PRKN: variants seen among roughly 807,000 people sequenced by gnomAD.
PRKN encodes parkin RBR E3 ubiquitin protein ligase, also known as E3 ubiquitin-protein ligase parkin.
PRKN carries 56 observed loss-of-function variants against 59.5 expected under a neutral mutation model. That is an observed-to-expected ratio of 0.94 (90% CI 0.76 to 1.18). The LOEUF (loss-of-function observed/expected upper bound fraction) is 1.18. Among genes scored for constraint, PRKN ranks in the 50% most tolerant of loss-of-function variants. The pLI, the probability that PRKN is intolerant of heterozygous loss-of-function variation, is 0.00. For missense variants in PRKN, 657 were observed against 596.4 expected, an observed-to-expected ratio of 1.10 and a Z score of -1.06; for synonymous variants, 250 against 222.1, an observed-to-expected ratio of 1.13 and a Z score of -1.12.
intron 7 of PRKN, among the ~76,000 whole-genome samples, chr6:161,626,947 T>A (rs541838251): frequency 5.9e-5 from 9 of 152,046 alleles, no homozygotes; most frequent in Admixed American, 5.9e-4. Flanking sequence ...AACTCACTTA[T>A]CTAGATCAGT....
intron 2 of PRKN, among the ~76,000 whole-genome samples, chr6:162,368,615 C>G (rs1393119037): frequency 6.6e-6 from 1 of 152,114 alleles, no homozygotes; most frequent in Non-Finnish European, 1.5e-5. Flanking sequence ...TTGGCAGTGA[C>G]AGAAATGCTT....
chr6:162,072,788 T>C (rs1778636207), intron 4 of PRKN, among the ~76,000 whole-genome samples: 1 of 152,184 alleles, frequency 6.6e-6, no homozygotes. Context: ...TTTTATGATA[T>C]GTAATGTGGA....
intron 4 of PRKN, among the ~76,000 whole-genome samples, chr6:162,103,854 C>T (rs998437709): frequency 2.0e-5 from 3 of 152,152 alleles, no homozygotes; most frequent in South Asian, 2.1e-4. Context: ...CTCTTCCTCA[C>T]CTGTATGTAG....
At chr6:162,021,369 A>G (rs1010674411) in intron 5 of PRKN, among the ~76,000 whole-genome samples, 4 of 146,534 alleles carry the variant, frequency 2.7e-5, no homozygotes, top group South Asian at 2.1e-4. Flanking sequence ...AGGTCATCCA[A>G]TCCCTTTATG....
chr6:162,115,427 A>G (rs1780627134), intron 4 of PRKN, among the ~76,000 whole-genome samples: 1 of 152,046 alleles, frequency 6.6e-6, no homozygotes, highest in Non-Finnish European at 1.5e-5. Flanking sequence ...GCGCACCAGC[A>G]AGGCACATGT....
chr6:161,488,628 G>C lies in PRKN; in HGVS notation c.1083+60226C>G, dbSNP rs1177868286. 6.6e-6 allele frequency among the ~76,000 whole-genome samples: 1 copy of C among 152,002 alleles called. No homozygotes were observed. Among genetic ancestry groups the C allele is most frequent in the East Asian group, 1.9e-4 (1 of 5,176 alleles). On this transcript the variant is annotated intron_variant, in intron 9 of 11. Coordinates refer to ENST00000366898, the MANE Select transcript of PRKN (RefSeq NM_004562.3). The surrounding 1 kb of genome is among the most constrained non-coding windows in gnomAD (Gnocchi z 4.5). Reference sequence around the variant, plus strand: ...AGCCTCCTGAGTAGGTGGGACTAAAGGCATGCACCACCACACCTGGCTAAT... The same window carrying C: ...AGCCTCCTGAGTAGGTGGGACTAAACGCATGCACCACCACACCTGGCTAAT...
chr6:162,459,079 C>T (rs1340586097), intron 1 of PRKN, among the ~76,000 whole-genome samples: 2 of 152,160 alleles, frequency 1.3e-5, no homozygotes, highest in African/African-American at 4.8e-5. Flanking sequence ...CTTGGCCTCC[C>T]AAAGTGCTGG....
chr6:161,463,457 T>G lies in PRKN; in HGVS notation c.1084-76580A>C, dbSNP rs542312464. On this transcript the variant is annotated intron_variant, in intron 9 of 11. Transcript: ENST00000366898. The surrounding 1 kb of genome is among the most constrained non-coding windows in gnomAD (Gnocchi z 4.8). Reference sequence around the variant, plus strand: ...CATATCATCCTGCCCCTCCTTGATTTTGGACAGGATGCATTTGGGATCTGG... The same window carrying G: ...CATATCATCCTGCCCCTCCTTGATTGTGGACAGGATGCATTTGGGATCTGG... 6.6e-6 allele frequency among the ~76,000 whole-genome samples: 1 copy of G among 152,306 alleles called. No individual in the cohort carries two copies. The highest frequency in any genetic ancestry group is 6.5e-5 in the Admixed American group (1 of 15,302).
intron 4 of PRKN, among the ~76,000 whole-genome samples, chr6:162,084,625 G>A (rs1232621682): frequency 6.6e-6 from 1 of 152,048 alleles, no homozygotes. Flanking sequence ...TTATCTGAGA[G>A]ATACCTGAGT....
At chr6:162,248,882 A>ATAT (rs1424856032) in intron 3 of PRKN, among the ~76,000 whole-genome samples, 13 of 151,328 alleles carry the variant, frequency 8.6e-5, no homozygotes, top group African/African-American at 2.9e-4. Flanking sequence ...TTTTGTATAT[A>ATAT]ATTTTTTTTT....
At chr6:161,633,486 A>C (rs2128155554) in intron 7 of PRKN, among the ~76,000 whole-genome samples, 1 of 152,382 alleles carries the variant, frequency 6.6e-6, no homozygotes. Flanking sequence ...AAATTTATCA[A>C]ACAAATTAAC....
intron 2 of PRKN, among the ~76,000 whole-genome samples, chr6:162,377,188 T>A (rs1457151192): frequency 6.6e-6 from 1 of 152,180 alleles, no homozygotes; most frequent in Admixed American, 6.5e-5. Flanking sequence ...AAAGTGTATT[T>A]CTGCTCCGAG....
chr6:161,673,580 C>T (rs753266163), intron 7 of PRKN, among the ~76,000 whole-genome samples: 3 of 152,120 alleles, frequency 2.0e-5, no homozygotes, highest in Admixed American at 6.5e-5. Flanking sequence ...AGAGTTGGGA[C>T]GTTATTTGAC....
Position 161,417,554 on chromosome 6 carries a change from C to T in PRKN, c.1084-30677G>A, listed in dbSNP as rs1259533611. ...TAAAGTGTATAAATGTACCTTCTCC[C>T]ATAACTCTGAGAATGGGGTTTGTGT... On this transcript the variant is annotated intron_variant, in intron 9 of 11. Transcript: ENST00000366898. This position sits in a 1 kb window ranked among gnomAD's most constrained non-coding sequence, Gnocchi z 5.4. 1.3e-5 allele frequency among the ~76,000 whole-genome samples: 2 copies of T among 152,018 alleles called. No individual in the cohort carries two copies. Among genetic ancestry groups the T allele is most frequent in the Admixed American group, 1.3e-4 (2 of 15,256 alleles).
intron 5 of PRKN, among the ~76,000 whole-genome samples, chr6:162,011,623 A>C (rs911407735): frequency 6.8e-6 from 1 of 146,346 alleles, no homozygotes; most frequent in Non-Finnish European, 1.5e-5. Context: ...ACAGATGACT[A>C]AAATAACCAT....
At chr6:162,410,132 C>T (rs959666209) in intron 2 of PRKN, among the ~76,000 whole-genome samples, 1 of 152,100 alleles carries the variant, frequency 6.6e-6, no homozygotes, top group Admixed American at 6.6e-5. Flanking sequence ...TCTGTGAATG[C>T]CTGGTTCCTG....
At chr6:161,755,481 T>C (rs780856493) in intron 7 of PRKN, among the ~76,000 whole-genome samples, 1 of 152,118 alleles carries the variant, frequency 6.6e-6, no homozygotes, top group Non-Finnish European at 1.5e-5. Context: ...ATATTCCTAT[T>C]ATGTGAAAAA....
Position 161,352,300 on chromosome 6 carries a change from A to G in PRKN, c.1286-2089T>C, listed in dbSNP as rs1784579697. Among the ~76,000 whole-genome samples, 1 of 152,218 alleles carries G rather than the reference A, an allele frequency of 6.6e-6. No individual in the cohort carries two copies. Among genetic ancestry groups the G allele is most frequent in the Non-Finnish European group, 1.5e-5 (1 of 68,046 alleles). On this transcript the variant is annotated intron_variant, in intron 11 of 11. Transcript: ENST00000366898. The surrounding 1 kb of genome is among the most constrained non-coding windows in gnomAD (Gnocchi z 5.8). ...TATAGGAATAGGCATTTGTTTTAAG[A>G]TAACTTGCCGACATGCAAAATCTCC...
chr6:162,483,480 T>C (rs1177090740), intron 1 of PRKN, among the ~76,000 whole-genome samples: 1 of 151,596 alleles, frequency 6.6e-6, no homozygotes, highest in Admixed American at 6.6e-5. Context: ...AGCATCAGAC[T>C]GGGATACAGA....
Sources: allele counts gnomAD v4.1 joint callset (sites outside exome capture counted in the v4.1 genomes callset), GRCh38; gene constraint gnomAD v4.1.1; non-coding constraint Gnocchi (gnomAD v3.1); transcripts MANE v1.5; gene names NCBI Gene and HGNC (gene_info 2026-07-23, HGNC 2026-07-21).